TUT1: variants seen among roughly 807,000 people sequenced by gnomAD.
TUT1 encodes speckle targeted PIP5K1A-regulated poly(A) polymerase.
In TUT1, 26 loss-of-function variants were observed where a neutral mutation model predicts 48.8. The observed-to-expected ratio is 0.53, with a 90% CI of 0.39 to 0.74. The LOEUF (loss-of-function observed/expected upper bound fraction) is 0.74, where lower values mean the gene tolerates loss of function less well. Among genes scored for constraint, TUT1 ranks in the 30% least tolerant of loss-of-function variants. TUT1 has a pLI of 0.00. For synonymous variants in TUT1, 470 were observed against 460.8 expected, an observed-to-expected ratio of 1.02 and a Z score of -0.26; for missense variants, 1,065 against 1,114.8, an observed-to-expected ratio of 0.96 and a Z score of 0.64.
intron 2 of TUT1, among the ~76,000 whole-genome samples, chr11:62,587,485 C>A (rs886814910): frequency 6.6e-6 from 1 of 152,164 alleles, no homozygotes; most frequent in Non-Finnish European, 1.5e-5. Context: ...CTGGCCGACA[C>A]TAACCTTTTA....
At chr11:62,576,351 G>T in intron 8 of TUT1, 107 bp from the exon 9 acceptor site, 1 of 1,358,130 alleles carries the variant, frequency 7.4e-7, no homozygotes, top group Non-Finnish European at 9.7e-7. Flanking sequence ...CCTTCCAAGG[G>T]GCTCAGCAGA....
Position 62,575,458 on chromosome 11 carries a change from G to C in TUT1, c.2261C>G (p.Ala754Gly), listed in dbSNP as rs369681798. Residue 754 changes from alanine (A) to glycine (G), a missense_variant, in exon 9 of 9, where the codon GCA becomes GGA. Ala to Gly is a moderately conservative substitution (Grantham distance 60). Transcript: ENST00000476907. ...EAAQEWSQGE[A>G]GKGASLPSSA... is the part of the protein sequence containing the mutation. ...GGAGGGCAGGGATGCCCCCTTCCCT[G>C]CCTCACCCTGAGACCATTCTTGGGC... 8.6e-5 allele frequency: 139 copies of C among 1,611,398 alleles called. No homozygotes were observed. The highest frequency in any genetic ancestry group is 1.1e-4 in the Non-Finnish European group (124 of 1,180,018).
At chr11:62,590,293 G>A (rs923257398) in intron 1 of TUT1, among the ~76,000 whole-genome samples, 1 of 152,200 alleles carries the variant, frequency 6.6e-6, no homozygotes, top group Non-Finnish European at 1.5e-5. Context: ...AGGAATTGGA[G>A]ACCAGCCTAG....
Position 62,575,896 on chromosome 11 carries a change from G to C in TUT1, c.1823C>G (p.Pro608Arg), listed in dbSNP as rs371469091. ...GAAGGGTGCAAGGGGTAAAGGGATC[G>C]GCGTAGCAGAGAGCAGGGAGCTGGG... ...SSPSSLLSAT[P>R]IPLPLAPFTQ... Residue 608 changes from proline to arginine, a missense_variant, in exon 9 of 9, where the codon CCG becomes CGG. Pro to Arg is a moderately radical substitution (Grantham distance 103). Transcript: ENST00000476907. 26 of 1,614,024 alleles carry C rather than the reference G, an allele frequency of 1.6e-5. No homozygotes were observed. The Middle Eastern group carries it at 6.6e-4, about 41-fold the overall frequency.
At position 62,575,935 on chromosome 11, in the gene TUT1, AG is replaced by A; in HGVS notation, c.1783del (p.Leu595CysfsTer41). 1 of 1,614,138 alleles carries A rather than the reference AG, an allele frequency of 6.2e-7. No homozygotes were observed. Among genetic ancestry groups the A allele is most frequent in the Non-Finnish European group, 8.5e-7 (1 of 1,180,006 alleles). ...RGRDWGLLPL[L>X]QPSSPSSLLS... The stretch of plus-strand genomic sequence containing the variant: ...CAGGGAGCTGGGGGAGCTGGGCTGC[AG>A]AAGAGGGAGCAGCCCCCAGTCCCGA... On this transcript the variant is annotated frameshift_variant, in exon 9 of 9. Transcript: ENST00000476907. LOFTEE classifies it low-confidence loss of function (END_TRUNC).
intron 6 of TUT1, 52 bp from the exon 7 acceptor site, chr11:62,577,069 T>TC (rs761494897): frequency 6.3e-7 from 1 of 1,595,538 alleles, no homozygotes; most frequent in Non-Finnish European, 8.6e-7. Context: ...TCTAATCCCC[T>TC]CACTGGCAGT....
rs749053824 is a variant in TUT1 at position 62,581,556 on chromosome 11, T to G, written c.419A>C (p.Lys140Thr). The G allele has an allele frequency of 6.2e-7, 1 of 1,612,764 alleles. No individual in the cohort carries two copies. The change falls in exon 3 of 9, where the codon AAA becomes ACA. Residue 140 changes from lysine to threonine, a missense_variant. Coordinates refer to ENST00000476907, the MANE Select transcript of TUT1 (RefSeq NM_022830.3). ...CTGGTGACTGTCGGGGGCCGCTCCT[T>G]TGGGGGATTTGGAGGCCGGGCTCTG... Reference protein sequence around the residue: ...EFQSPASKSPKGAAPDSHQLA... With the variant: ...EFQSPASKSPTGAAPDSHQLA...
chr11:62,584,844 A>T (rs1404888449), intron 2 of TUT1, among the ~76,000 whole-genome samples: 1 of 139,330 alleles, frequency 7.2e-6, no homozygotes, highest in African/African-American at 2.7e-5. Context: ...TTTTTTGAGA[A>T]GGAGTCTCGC....
In TUT1 at chr11:62,581,515, C is replaced by G. The variant is rs1360203597; in HGVS notation, c.460G>C (p.Ala154Pro). 2.5e-6 allele frequency: 4 copies of G among 1,614,228 alleles called. No homozygotes were observed. Among genetic ancestry groups the G allele is most frequent in the Non-Finnish European group, 3.4e-6 (4 of 1,180,044 alleles). Reference sequence around the variant, plus strand: ...TGTGCCCCCACGTCTGCAGCCTCAGCTAGCGCTTTGGCCAGCTGGTGACTG... The same window carrying G: ...TGTGCCCCCACGTCTGCAGCCTCAGGTAGCGCTTTGGCCAGCTGGTGACTG... The part of the protein sequence containing the change: ...PDSHQLAKAL[A>P]EAADVGAQMI... The change falls in exon 3 of 9, where the codon GCT becomes CCT. Residue 154 changes from alanine to proline, a missense_variant. By Grantham distance (27) the Ala-to-Pro change is conservative. Transcript: ENST00000476907.
At chr11:62,591,181 C>A (rs549675757) in intron 1 of TUT1, 1 of 460,230 alleles carries the variant, frequency 2.2e-6, no homozygotes, top group Non-Finnish European at 2.8e-6. Flanking sequence ...AGTAATAAAA[C>A]AATTAAACTT....
rs1231557069 is a variant in TUT1, at chr11:62,576,045, C to T, written c.1674G>A (p.Arg558=). The change falls in exon 9 of 9, where the codon CGG becomes CGA. Residue 558 remains arginine (R), a synonymous_variant. Transcript: ENST00000476907. The part of the protein sequence containing the change: ...SHNVAANVTS[R]VAGRLQNCCR... ...AGCAGTTCTGTAGGCGCCCAGCCACCCGGCTGGTCACATTGGCTGCGACAT... is the reference window on the plus strand; with the variant it reads ...AGCAGTTCTGTAGGCGCCCAGCCACTCGGCTGGTCACATTGGCTGCGACAT... 6.2e-7 allele frequency: 1 copy of T among 1,613,826 alleles called. No individual in the cohort carries two copies.
intron 2 of TUT1, among the ~76,000 whole-genome samples, chr11:62,585,158 T>C (rs1037994582): frequency 3.4e-4 from 52 of 152,274 alleles, no homozygotes; most frequent in Middle Eastern, 3.4e-3. Context: ...TTTTGCTCTG[T>C]CACCAAGACT....
In TUT1 at chr11:62,576,889, G is replaced by A. The variant is rs1226855819; in HGVS notation, c.1381+18C>T. On this transcript the variant is annotated intron_variant, in intron 7 of 8. Transcript: ENST00000476907. ...AGGAAACTAACAAGATGGAGAGGGT[G>A]GAGGCTAGGCCGAGTACCTGCTTTC... The A allele has an allele frequency of 1.2e-6, 2 of 1,610,710 alleles. No individual in the cohort carries two copies. Among genetic ancestry groups the A allele is most frequent in the Non-Finnish European group, 1.7e-6 (2 of 1,176,960 alleles).
intron 4 of TUT1, among the ~76,000 whole-genome samples, chr11:62,580,868 C>T (rs1177357776): frequency 6.6e-6 from 1 of 152,122 alleles, no homozygotes; most frequent in Non-Finnish European, 1.5e-5. Flanking sequence ...CCTCAGCCTC[C>T]CAAAGTGCTG....
At chr11:62,585,348 T>C (rs1466445583) in intron 2 of TUT1, among the ~76,000 whole-genome samples, 2 of 152,156 alleles carry the variant, frequency 1.3e-5, no homozygotes, top group Non-Finnish European at 2.9e-5. Context: ...CAAAGGTAGC[T>C]ACTTGGACCT....
In TUT1 at chr11:62,581,106, C is replaced by A; in HGVS notation, c.690G>T (p.Gln230His). The change falls in exon 4 of 9, where the codon CAG (glutamine) becomes CAT (histidine). Residue 230 changes from glutamine to histidine, a missense_variant and splice_region_variant. Transcript: ENST00000476907. ...FLDLGDLEEP[Q>H]PVPKAPESPS... Reference sequence around the variant, plus strand: ...CTGCCTCCCTGGGACACTCACTCACCTGGGGCTCTTCCAAGTCACCCAGAT... The same window carrying A: ...CTGCCTCCCTGGGACACTCACTCACATGGGGCTCTTCCAAGTCACCCAGAT... 1 of 1,613,708 alleles carries A rather than the reference C, an allele frequency of 6.2e-7. No homozygotes were observed. Among genetic ancestry groups the A allele is most frequent in the Non-Finnish European group, 8.5e-7 (1 of 1,179,686 alleles).
intron 1 of TUT1, 140 bp downstream of exon 1, chr11:62,591,264 C>T (rs1365377173): frequency 1.5e-6 from 2 of 1,376,880 alleles, no homozygotes; most frequent in East Asian, 2.7e-5. Context: ...TCCCCTCGGA[C>T]TTGCAGAGAA....
intron 2 of TUT1, among the ~76,000 whole-genome samples, chr11:62,587,317 GATTACAGGC>G (rs1941935175): frequency 1.3e-5 from 2 of 152,024 alleles, no homozygotes; most frequent in Non-Finnish European, 2.9e-5. Context: ...GAGTAGCTGG[GATTACAGGC>G]ATGTGCCACC....
chr11:62,591,421 T>C lies in TUT1; in HGVS notation c.65A>G (p.His22Arg), dbSNP rs557543414. Residue 22 changes from histidine (H) to arginine (R), a missense_variant, in exon 1 of 9, where the codon CAC (histidine) becomes CGC (arginine). His to Arg is a conservative substitution (Grantham distance 29). Transcript: ENST00000476907. ...CCGCTTACGGTTGGCTGTAGTAACG[T>C]GGCAGAGGCAGCAGCGGAACCCCCC... is the stretch of plus-strand genomic sequence containing the variant. ...PRGGFRCCLC[H>R]VTTANRPSLD... 9.4e-6 allele frequency: 15 copies of C among 1,600,574 alleles called. No individual in the cohort carries two copies. The South Asian group carries it at 1.2e-4, about 13-fold the overall frequency.
Sources: gnomAD v4.1 joint callset for allele counts (sites outside exome capture counted in the v4.1 genomes callset) on GRCh38, gnomAD v4.1.1 for gene constraint, MANE v1.5 for transcripts, NCBI Gene and HGNC (gene_info 2026-07-23, HGNC 2026-07-21) for gene names.